ARHGEF9: variants seen among roughly 807,000 people sequenced by gnomAD.
ARHGEF9 encodes Cdc42 guanine nucleotide exchange factor 9.
A neutral mutation model predicts 41.3 loss-of-function variants in ARHGEF9; 2 were observed. The ratio of observed to expected loss-of-function variants is 0.05; its 90% CI spans 0.02 to 0.15. ARHGEF9 has a LOEUF of 0.15. Ranked by LOEUF, ARHGEF9 falls within the 10% of genes least tolerant of loss-of-function variation. ARHGEF9 has a pLI of 1.00. For missense variants in ARHGEF9, 225 were observed against 424.7 expected (o/e 0.53, Z 4.13); for synonymous variants, 160 against 154.4 (o/e 1.04, Z -0.27).
At chrX:63,699,263 T>G (rs2051987217) in intron 3 of ARHGEF9, among the ~76,000 whole-genome samples, 1 of 111,645 alleles carries the variant, frequency 9.0e-6, no homozygotes, top group Non-Finnish European at 1.9e-5. Context: ...ACAGTAACAG[T>G]GGCACATTCA....
At chrX:63,749,717 G>A (rs1385048837) in intron 1 of ARHGEF9, among the ~76,000 whole-genome samples, 12 of 112,502 alleles carry the variant, frequency 1.1e-4, no homozygotes, top group Admixed American at 6.6e-4. Context: ...AAGTTAGAAA[G>A]GATGTGAAAT....
At chrX:63,762,217 T>C (rs1602731406) in intron 1 of ARHGEF9, among the ~76,000 whole-genome samples, 1 of 112,036 alleles carries the variant, frequency 8.9e-6, no homozygotes, top group African/African-American at 3.2e-5. Context: ...CTGCAAGCCA[T>C]TGGACATTCG....
intron 3 of ARHGEF9, among the ~76,000 whole-genome samples, chrX:63,705,606 A>G (rs1298440220): frequency 9.0e-6 from 1 of 110,963 alleles, no homozygotes; most frequent in African/African-American, 3.3e-5. Context: ...AAAGTGACAT[A>G]CTGAAGGAGC....
intron 4 of ARHGEF9, among the ~76,000 whole-genome samples, chrX:63,691,168 C>G (rs1361268957): frequency 1.8e-5 from 2 of 111,387 alleles, no homozygotes; most frequent in Non-Finnish European, 3.8e-5. Context: ...TAAAGGGTAT[C>G]CATATTGAAA....
chrX:63,752,992 A>G (rs192362023), intron 1 of ARHGEF9, among the ~76,000 whole-genome samples: 1 of 112,650 alleles, frequency 8.9e-6, no homozygotes, highest in East Asian at 2.8e-4. Context: ...AAGCAATGGA[A>G]TGGGGAAAGC....
In ARHGEF9 at chrX:63,785,197, C is replaced by T. The variant is rs2056442735; in HGVS notation, c.-52G>A. ...AGGCCCCGTAGCTGGCGCGAGTTGTCGCGGGCTGACTAGAAGGGCTGGGCT... is the reference window on the plus strand; with the variant it reads ...AGGCCCCGTAGCTGGCGCGAGTTGTTGCGGGCTGACTAGAAGGGCTGGGCT... On this transcript the variant is annotated 5_prime_UTR_variant, in exon 1 of 10. Coordinates refer to ENST00000671741, the MANE Select transcript of ARHGEF9 (RefSeq NM_001353921.2). 12 of 1,145,506 alleles carry T rather than the reference C, an allele frequency of 1.0e-5. No homozygotes were observed. The highest frequency in any genetic ancestry group is 7.8e-5 in the Admixed American group (3 of 38,336). The allele number at this position is 1,145,506 out of a possible 1,213,427, so 94.4% of individuals were successfully genotyped here. A position where few individuals can be genotyped will look rare whatever the true frequency, so the allele number is the denominator to read the frequency against.
intron 4 of ARHGEF9, among the ~76,000 whole-genome samples, chrX:63,693,175 T>A (rs1220535034): frequency 1.2e-4 from 13 of 112,090 alleles, no homozygotes; most frequent in African/African-American, 3.9e-4. Flanking sequence ...ATTAATGGCA[T>A]ATTTCAAAAT....
At chrX:63,713,902 A>G (rs1186732254) in intron 2 of ARHGEF9, among the ~76,000 whole-genome samples, 1 of 111,458 alleles carries the variant, frequency 9.0e-6, no homozygotes, top group Non-Finnish European at 1.9e-5. Context: ...GGGAAGATTT[A>G]ATAACTCTCA....
At chrX:63,702,579 T>C (rs1439122651) in intron 3 of ARHGEF9, among the ~76,000 whole-genome samples, 1 of 112,419 alleles carries the variant, frequency 8.9e-6, no homozygotes, top group African/African-American at 3.2e-5. Flanking sequence ...GGAAAAAGAA[T>C]GTCCTCTAAT....
chrX:63,653,928 C>T lies in ARHGEF9; in HGVS notation c.1321+1566G>A, dbSNP rs180995983. On this transcript the variant is annotated intron_variant, in intron 8 of 9. Coordinates refer to ENST00000671741, the MANE Select transcript of ARHGEF9 (RefSeq NM_001353921.2). ...ATAATGATGAGTGAAAATGAGGATACAAAATTATATCTATCCACTATAGAG... is the reference window on the plus strand; with the variant it reads ...ATAATGATGAGTGAAAATGAGGATATAAAATTATATCTATCCACTATAGAG... Among the ~76,000 whole-genome samples, 240 of 109,891 alleles carry T rather than the reference C, an allele frequency of 2.2e-3. 1 individual carries two copies. Among genetic ancestry groups the T allele is most frequent in the African/African-American group, 7.4e-3 (225 of 30,290 alleles).
In ARHGEF9 at chrX:63,635,879, C is replaced by T. The variant is rs1480805920; in HGVS notation, c.*2149G>A. 4.4e-5 allele frequency: 6 copies of T among 136,861 alleles called. No individual in the cohort carries two copies. Among genetic ancestry groups the T allele is most frequent in the African/African-American group, 1.9e-4 (6 of 30,864 alleles). The allele number at this position is 136,861 out of a possible 1,213,427, so 11.3% of individuals were successfully genotyped here. ...GGAGGCCTGCATAGCTACCAAAACA[C>T]TCTGCCAGACAGGATATTTTAGCCT... On this transcript the variant is annotated 3_prime_UTR_variant, in exon 10 of 10. Transcript: ENST00000671741.
chrX:63,675,043 C>A (rs1195619902), intron 5 of ARHGEF9, among the ~76,000 whole-genome samples: 1 of 110,730 alleles, frequency 9.0e-6, no homozygotes, highest in Non-Finnish European at 1.9e-5. Context: ...ATGTGATGGC[C>A]GAACCTCTGG....
chrX:63,667,875 C>T (rs1928272287), intron 6 of ARHGEF9, among the ~76,000 whole-genome samples: 1 of 110,899 alleles, frequency 9.0e-6, no homozygotes, highest in South Asian at 3.9e-4. Context: ...GGTTAGGGAG[C>T]AGTACAGCGA....
At chrX:63,644,760 TTA>T (rs1193408407) in intron 8 of ARHGEF9, among the ~76,000 whole-genome samples, 2 of 96,036 alleles carry the variant, frequency 2.1e-5, no homozygotes, top group African/African-American at 1.1e-4. Context: ...ATTATTATTA[TTA>T]TTTTTTTTTT....
chrX:63,705,204 G>T (rs1399521820), intron 3 of ARHGEF9, among the ~76,000 whole-genome samples: 1 of 111,291 alleles, frequency 9.0e-6, no homozygotes, highest in African/African-American at 3.3e-5. Flanking sequence ...AGAGAAATAA[G>T]AACTTTGAAA....
At chrX:63,739,471 A>G (rs782359446) in intron 1 of ARHGEF9, among the ~76,000 whole-genome samples, 24 of 110,970 alleles carry the variant, frequency 2.2e-4, no homozygotes, top group African/African-American at 7.9e-4. Flanking sequence ...AACTCTTTAT[A>G]TATATTTACT....
intron 6 of ARHGEF9, among the ~76,000 whole-genome samples, chrX:63,673,628 G>T (rs1556358241): frequency 1.8e-5 from 2 of 110,769 alleles, no homozygotes; most frequent in African/African-American, 6.6e-5. Context: ...AAAAAAAAAA[G>T]TATGTTGGCT....
chrX:63,778,341 A>C (rs1441599382), intron 1 of ARHGEF9, among the ~76,000 whole-genome samples: 1 of 112,219 alleles, frequency 8.9e-6, no homozygotes, highest in Admixed American at 9.4e-5. Flanking sequence ...AAAACCTTAC[A>C]AAGTAGCAAG....
intron 3 of ARHGEF9, among the ~76,000 whole-genome samples, chrX:63,702,676 C>T (rs782372088): frequency 1.0e-3 from 114 of 111,753 alleles, no homozygotes; most frequent in African/African-American, 3.3e-3. Context: ...TAGAGCTCTC[C>T]CATAACCTAC....
Sources: gnomAD v4.1 joint callset for allele counts (sites outside exome capture counted in the v4.1 genomes callset) on GRCh38, gnomAD v4.1.1 for gene constraint, MANE v1.5 for transcripts, NCBI Gene and HGNC (gene_info 2026-07-23, HGNC 2026-07-21) for gene names.